The following PRKCE variants were observed in gnomAD, a reference collection of about 807,000 sequenced individuals.
PRKCE encodes the protein protein kinase C epsilon.
PRKCE carries 16 observed loss-of-function variants against 85.4 expected under a neutral mutation model. The observed-to-expected ratio is 0.19, with a 90% CI of 0.13 to 0.28. The LOEUF (loss-of-function observed/expected upper bound fraction) is 0.28, where lower values mean the gene tolerates loss of function less well. Among genes scored for constraint, PRKCE ranks in the 10% least tolerant of loss-of-function variants. The pLI is 1.00. For missense variants in PRKCE, 573 were observed against 975.2 expected, an observed-to-expected ratio of 0.59 and a Z score of 5.49; for synonymous variants, 388 against 371.5, an observed-to-expected ratio of 1.04 and a Z score of -0.51.
At chr2:45,763,469 T>C (rs889508174) in intron 1 of PRKCE, among the ~76,000 whole-genome samples, 6 of 152,210 alleles carry the variant, frequency 3.9e-5, no homozygotes, top group African/African-American at 1.4e-4. Context: ...CTAGACCTAA[T>C]GTTGTGCAGC....
chr2:46,000,692 G>T (rs75357782), intron 6 of PRKCE, among the ~76,000 whole-genome samples: 16 of 152,040 alleles, frequency 1.1e-4, no homozygotes, highest in African/African-American at 3.4e-4. Context: ...TCAACTCAAC[G>T]ACTGGGTCCC....
At chr2:46,036,273 C>G (rs1191310130) in intron 10 of PRKCE, among the ~76,000 whole-genome samples, 1 of 152,042 alleles carries the variant, frequency 6.6e-6, no homozygotes, top group African/African-American at 2.4e-5. Context: ...CCTGACCATT[C>G]TAGAAAAGAA....
chr2:46,062,606 C>A (rs1477539539), intron 10 of PRKCE, among the ~76,000 whole-genome samples: 1 of 151,794 alleles, frequency 6.6e-6, no homozygotes, highest in Non-Finnish European at 1.5e-5. Flanking sequence ...CATTGACCAA[C>A]CCTCCCCCAC....
At chr2:45,680,072 C>G (rs1233536665) in intron 1 of PRKCE, among the ~76,000 whole-genome samples, 3 of 152,194 alleles carry the variant, frequency 2.0e-5, no homozygotes, top group African/African-American at 7.2e-5. Context: ...CAGAGATGAA[C>G]AGGTTTATTG....
At chr2:46,087,783 G>A (rs1416220432) in intron 11 of PRKCE, among the ~76,000 whole-genome samples, 1 of 152,196 alleles carries the variant, frequency 6.6e-6, no homozygotes, top group Non-Finnish European at 1.5e-5. Context: ...CAGCCAGGCT[G>A]CATTCTGTTC....
intron 14 of PRKCE, among the ~76,000 whole-genome samples, chr2:46,182,001 T>A (rs1449349014): frequency 6.6e-6 from 1 of 152,154 alleles, no homozygotes; most frequent in Non-Finnish European, 1.5e-5. Context: ...GGCTCGTCCT[T>A]AGTGACGTTA....
At chr2:45,846,212 G>A (rs1691776684) in intron 2 of PRKCE, among the ~76,000 whole-genome samples, 1 of 152,186 alleles carries the variant, frequency 6.6e-6, no homozygotes, top group Admixed American at 6.5e-5. Context: ...TCTCACCTGT[G>A]CAAATGATGG....
intron 1 of PRKCE, among the ~76,000 whole-genome samples, chr2:45,661,585 A>G (rs1302669270): frequency 1.0e-4 from 14 of 137,148 alleles, no homozygotes; most frequent in Admixed American, 7.0e-4. Flanking sequence ...CTGGAGTGCA[A>G]TGGTGCCATC....
intron 10 of PRKCE, among the ~76,000 whole-genome samples, chr2:46,029,214 A>G (rs923222304): frequency 2.0e-5 from 3 of 152,192 alleles, no homozygotes; most frequent in Non-Finnish European, 4.4e-5. Flanking sequence ...ATATCCTGAG[A>G]CACAGGGAGG....
chr2:45,670,314 A>G (rs544358175), intron 1 of PRKCE, among the ~76,000 whole-genome samples: 9 of 152,336 alleles, frequency 5.9e-5, no homozygotes, highest in Admixed American at 4.6e-4. Flanking sequence ...AAGACGTGAG[A>G]AAAAGAGAAT....
At chr2:46,000,785 T>G (rs1704616908) in intron 6 of PRKCE, 1 of 152,250 alleles carries the variant, frequency 6.6e-6, no homozygotes, top group African/African-American at 2.4e-5. Flanking sequence ...CCAGCATTGT[T>G]CCTACAGAGG....
At chr2:45,983,150 T>C (rs1170555853) in intron 5 of PRKCE, among the ~76,000 whole-genome samples, 1 of 152,222 alleles carries the variant, frequency 6.6e-6, no homozygotes, top group East Asian at 1.9e-4. Flanking sequence ...GACCATCCAT[T>C]TCAGTAGGGA....
chr2:45,801,661 C>G (rs1573412051), intron 1 of PRKCE, among the ~76,000 whole-genome samples: 1 of 152,212 alleles, frequency 6.6e-6, no homozygotes, highest in East Asian at 1.9e-4. Context: ...TGAGAGCCAG[C>G]TAGAGAGGAG....
intron 11 of PRKCE, among the ~76,000 whole-genome samples, chr2:46,091,278 A>G (rs1337803502): frequency 1.3e-5 from 2 of 152,068 alleles, no homozygotes; most frequent in Non-Finnish European, 2.9e-5. Context: ...GCACTGTGGG[A>G]GGTTTTTGAA....
Position 45,837,532 on chromosome 2 carries a change from T to C in PRKCE, c.349-5468T>C, listed in dbSNP as rs533121354. On this transcript the variant is annotated intron_variant, in intron 1 of 14. Transcript: ENST00000306156. ...TCAGTCTACTAAAGTGCTGGGATTA[T>C]AGGCATGAGCCACCACGCCCAGTCT... Among the ~76,000 whole-genome samples the C allele has an allele frequency of 1.2e-4, 18 of 152,272 alleles. 1 individual carries two copies. The highest frequency in any genetic ancestry group is 5.9e-4 in the Admixed American group (9 of 15,294).
intron 2 of PRKCE, among the ~76,000 whole-genome samples, chr2:45,920,969 A>G (rs768651327): frequency 6.6e-6 from 1 of 152,198 alleles, no homozygotes; most frequent in Non-Finnish European, 1.5e-5. Flanking sequence ...CCCCATTTTC[A>G]TAAAGCAAGC....
At chr2:45,849,901 G>C (rs1229872325) in intron 2 of PRKCE, among the ~76,000 whole-genome samples, 1 of 152,098 alleles carries the variant, frequency 6.6e-6, no homozygotes, top group Non-Finnish European at 1.5e-5. Flanking sequence ...CTTGTTCCCA[G>C]AAGTGACTAT....
chr2:46,179,429 C>G (rs1241320505), intron 14 of PRKCE, among the ~76,000 whole-genome samples: 1 of 152,172 alleles, frequency 6.6e-6, no homozygotes, highest in African/African-American at 2.4e-5. Context: ...GGCCCAGTCT[C>G]TGAGAGGGAT....
intron 1 of PRKCE, among the ~76,000 whole-genome samples, chr2:45,711,226 A>G (rs1390971939): frequency 2.6e-5 from 4 of 152,256 alleles, no homozygotes; most frequent in Admixed American, 6.5e-5. Flanking sequence ...GAGAAAAAAG[A>G]GTGCCTACCT....
Sources: allele counts gnomAD v4.1 joint callset (sites outside exome capture counted in the v4.1 genomes callset), GRCh38; gene constraint gnomAD v4.1.1; transcripts MANE v1.5; gene names NCBI Gene and HGNC (gene_info 2026-07-23, HGNC 2026-07-21).